Variants in LOC128092253 observed in about 807,000 individuals in gnomAD.
At chr6:133,971,973 G>A in the LOC128092253 span, among the ~76,000 whole-genome samples, 1 of 152,082 alleles carries the variant, frequency 6.6e-6, no homozygotes, top group Non-Finnish European at 1.5e-5. Flanking sequence ...TCGTTAAAAG[G>A]TAAAGCAGTA....
chr6:133,976,018 C>T, the LOC128092253 span, among the ~76,000 whole-genome samples: 2 of 151,932 alleles, frequency 1.3e-5, no homozygotes, highest in Admixed American at 6.6e-5. Flanking sequence ...AAACACATTC[C>T]CCTTGGAATC....
the LOC128092253 span, among the ~76,000 whole-genome samples, chr6:133,970,346 A>G: frequency 2.6e-5 from 4 of 152,192 alleles, no homozygotes; most frequent in African/African-American, 4.8e-5. Context: ...AATTCTGGAT[A>G]CTGTAGATAT....
chr6:133,957,840 A>G, the LOC128092253 span, among the ~76,000 whole-genome samples: 1 of 152,258 alleles, frequency 6.6e-6, no homozygotes, highest in African/African-American at 2.4e-5. Flanking sequence ...AACTTTAGTT[A>G]AAAGCTTTAA....
At chr6:133,972,546 A>G in the LOC128092253 span, among the ~76,000 whole-genome samples, 21 of 152,164 alleles carry the variant, frequency 1.4e-4, no homozygotes, top group Non-Finnish European at 1.5e-5. Context: ...TCTTGTCACA[A>G]CTACTCAGTT....
the LOC128092253 span, among the ~76,000 whole-genome samples, chr6:133,974,517 C>T: frequency 5.9e-5 from 9 of 152,104 alleles, no homozygotes; most frequent in East Asian, 1.9e-4. Context: ...TATTTTTAGA[C>T]GGGGTTTCAC....
chr6:133,956,836 A>G, the LOC128092253 span, among the ~76,000 whole-genome samples: 2 of 152,230 alleles, frequency 1.3e-5, no homozygotes, highest in African/African-American at 2.4e-5. Flanking sequence ...ACTTGAGTAG[A>G]CACGATATTT....
At chr6:133,956,157 A>G in the LOC128092253 span, among the ~76,000 whole-genome samples, 54 of 152,206 alleles carry the variant, frequency 3.5e-4, no homozygotes, top group African/African-American at 1.3e-3. Flanking sequence ...TGATGAAATT[A>G]TTGCTATAAA....
At chr6:133,964,851 T>C in the LOC128092253 span, among the ~76,000 whole-genome samples, 1 of 152,200 alleles carries the variant, frequency 6.6e-6, no homozygotes, top group African/African-American at 2.4e-5. Flanking sequence ...TTGTCTATGC[T>C]AGAGCATTTT....
At chr6:133,978,977 G>A in the LOC128092253 span, among the ~76,000 whole-genome samples, 1 of 152,138 alleles carries the variant, frequency 6.6e-6, no homozygotes, top group Non-Finnish European at 1.5e-5. Flanking sequence ...TTTTTGAAGT[G>A]TGAAAATGCA....
chr6:133,970,105 G>GTTAA, the LOC128092253 span, among the ~76,000 whole-genome samples: 11 of 152,152 alleles, frequency 7.2e-5, no homozygotes, highest in Non-Finnish European at 2.9e-5. Flanking sequence ...ACTTTGCAGT[G>GTTAA]TTAAGTATCT....
the LOC128092253 span, among the ~76,000 whole-genome samples, chr6:133,970,986 C>T: frequency 6.6e-6 from 1 of 152,116 alleles, no homozygotes; most frequent in African/African-American, 2.4e-5. Context: ...TTATGATATA[C>T]TTTACTGTTC....
chr6:133,957,361 T>C, the LOC128092253 span, among the ~76,000 whole-genome samples: 2 of 152,204 alleles, frequency 1.3e-5, no homozygotes, highest in South Asian at 4.1e-4. Flanking sequence ...TCTTAGGACA[T>C]ATGTGGATGA....
the LOC128092253 span, among the ~76,000 whole-genome samples, chr6:133,957,074 A>G: frequency 6.6e-6 from 1 of 152,182 alleles, no homozygotes; most frequent in South Asian, 2.1e-4. Flanking sequence ...CAGAAATTCT[A>G]CTTGTCTGTG....
the LOC128092253 span, among the ~76,000 whole-genome samples, chr6:133,964,455 GTT>G: frequency 1.4e-5 from 2 of 140,948 alleles, no homozygotes; most frequent in African/African-American, 2.6e-5. Flanking sequence ...GGTTTTTTGG[GTT>G]TTTTTTTTTT....
At chr6:133,977,388 G>C in the LOC128092253 span, among the ~76,000 whole-genome samples, 10 of 151,914 alleles carry the variant, frequency 6.6e-5, no homozygotes, top group Non-Finnish European at 1.5e-5. Context: ...GAATTTCAAG[G>C]CTTCTTTTTT....
the LOC128092253 span, among the ~76,000 whole-genome samples, chr6:133,967,978 G>A: frequency 0.025 from 3,776 of 151,420 alleles, 75 homozygotes; most frequent in African/African-American, 0.052. Context: ...GAAAAAAGCA[G>A]TTATCACTGT....
chr6:133,966,972 A>T, the LOC128092253 span, among the ~76,000 whole-genome samples: 1 of 152,180 alleles, frequency 6.6e-6, no homozygotes, highest in Non-Finnish European at 1.5e-5. Context: ...TTTTTTAGCT[A>T]ACCACTACTT....
At chr6:133,955,503 C>T in the LOC128092253 span, among the ~76,000 whole-genome samples, 1 of 152,038 alleles carries the variant, frequency 6.6e-6, no homozygotes, top group Non-Finnish European at 1.5e-5. Context: ...GTTGCATTTT[C>T]CTTCTGTACC....
At chr6:133,975,003 T>C in the LOC128092253 span, among the ~76,000 whole-genome samples, 14 of 152,110 alleles carry the variant, frequency 9.2e-5, no homozygotes, top group Admixed American at 9.2e-4. Context: ...GAAAAGACAG[T>C]TAAAAACTAA....
Sources: gnomAD v4.1 joint callset for allele counts (sites outside exome capture counted in the v4.1 genomes callset) on GRCh38, gnomAD v4.1.1 for gene constraint, MANE v1.5 for transcripts.